Variants in IFT81 observed in about 807,000 individuals in gnomAD.
IFT81 encodes the protein intraflagellar transport 81.
IFT81 carries 72 observed loss-of-function variants against 102.6 expected under a neutral mutation model. That is an observed-to-expected ratio of 0.70 (90% CI 0.58 to 0.85). The LOEUF is 0.85. Among genes scored for constraint, IFT81 ranks in the 40% least tolerant of loss-of-function variants. The probability of loss-of-function intolerance (pLI) is 0.00; values close to 1 mark genes in which losing one functional copy is unlikely to be tolerated. For missense variants in IFT81, 723 were observed against 787.3 expected, an observed-to-expected ratio of 0.92 and a Z score of 0.98; for synonymous variants, 237 against 242.7, an observed-to-expected ratio of 0.98 and a Z score of 0.22.
At chr12:110,141,882 TAAAACAA>T (rs1363549410) in intron 8 of IFT81, among the ~76,000 whole-genome samples, 1 of 152,138 alleles carries the variant, frequency 6.6e-6, no homozygotes, top group African/African-American at 2.4e-5. Flanking sequence ...AGATTTCATC[TAAAACAA>T]AAAACAAAAA....
At chr12:110,194,912 C>T (rs1407324223) in intron 14 of IFT81, among the ~76,000 whole-genome samples, 1 of 152,108 alleles carries the variant, frequency 6.6e-6, no homozygotes, top group Non-Finnish European at 1.5e-5. Flanking sequence ...GTGACTGATA[C>T]CAAGATCAAA....
At chr12:110,196,551 G>C (rs1898009905) in intron 14 of IFT81, among the ~76,000 whole-genome samples, 1 of 151,926 alleles carries the variant, frequency 6.6e-6, no homozygotes, top group Non-Finnish European at 1.5e-5. Context: ...AATCTTCCTG[G>C]TTAAAAAACA....
intron 8 of IFT81, among the ~76,000 whole-genome samples, chr12:110,139,849 A>AAATAAATAAAAT (rs1338081140): frequency 4.0e-5 from 5 of 126,054 alleles, no homozygotes; most frequent in Admixed American, 7.7e-5. Context: ...AAATAAAATA[A>AAATAAATAAAAT]ATAAAATAAA....
At chr12:110,157,630 T>G (rs1895915234) in intron 10 of IFT81, among the ~76,000 whole-genome samples, 1 of 152,210 alleles carries the variant, frequency 6.6e-6, no homozygotes, top group Non-Finnish European at 1.5e-5. Context: ...TCTCTTTGTC[T>G]TTTCCTTCTG....
intron 10 of IFT81, among the ~76,000 whole-genome samples, chr12:110,155,083 G>A (rs1895764806): frequency 6.6e-6 from 1 of 151,978 alleles, no homozygotes; most frequent in South Asian, 2.1e-4. Context: ...ATTTATAATT[G>A]CTTATAATCT....
intron 18 of IFT81, among the ~76,000 whole-genome samples, chr12:110,210,739 A>C (rs959037513): frequency 6.6e-6 from 1 of 151,806 alleles, no homozygotes; most frequent in African/African-American, 2.4e-5. Context: ...TGAAAAAAAA[A>C]AGTTTCCTAC....
chr12:110,167,774 G>T (rs1268331208), intron 11 of IFT81: 2 of 178,094 alleles, frequency 1.1e-5, no homozygotes, highest in South Asian at 9.3e-5. Flanking sequence ...ATCATACTAG[G>T]CTTCTTATAT....
At chr12:110,183,002 A>G (rs948834646) in intron 12 of IFT81, among the ~76,000 whole-genome samples, 4 of 152,210 alleles carry the variant, frequency 2.6e-5, no homozygotes, top group Non-Finnish European at 4.4e-5. Flanking sequence ...TTCATAGGCC[A>G]TCCAGTTCCA....
intron 9 of IFT81, among the ~76,000 whole-genome samples, chr12:110,146,274 T>A (rs1458611799): frequency 6.6e-6 from 1 of 152,228 alleles, no homozygotes; most frequent in African/African-American, 2.4e-5. Flanking sequence ...TTTGGAAAGA[T>A]TTAGATTAAT....
At chr12:110,144,159 C>T (rs568565042) in intron 9 of IFT81, among the ~76,000 whole-genome samples, 1 of 150,654 alleles carries the variant, frequency 6.6e-6, no homozygotes, top group Non-Finnish European at 1.5e-5. Flanking sequence ...ATTACAGGCA[C>T]GAACCACCAT....
At chr12:110,141,409 G>A (rs937097411) in intron 8 of IFT81, among the ~76,000 whole-genome samples, 1 of 152,176 alleles carries the variant, frequency 6.6e-6, no homozygotes, top group African/African-American at 2.4e-5. Context: ...GAATAGTGAA[G>A]TAATGAATGG....
chr12:110,172,310 C>T (rs138650131), intron 11 of IFT81, among the ~76,000 whole-genome samples: 52 of 147,794 alleles, frequency 3.5e-4, no homozygotes, highest in Non-Finnish European at 7.0e-4. Context: ...CTGCCTCTGC[C>T]TCCTCTGCCT....
chr12:110,153,503 GC>G (rs1225651380), intron 10 of IFT81, among the ~76,000 whole-genome samples: 1 of 151,742 alleles, frequency 6.6e-6, no homozygotes, highest in Admixed American at 6.6e-5. Flanking sequence ...CTGCCAAAGT[GC>G]TGGGATTACA....
intron 11 of IFT81, among the ~76,000 whole-genome samples, chr12:110,177,096 T>A: frequency 6.6e-6 from 1 of 152,250 alleles, no homozygotes; most frequent in Non-Finnish European, 1.5e-5. Context: ...TACATTAGTA[T>A]GACTTAAATT....
At chr12:110,142,140 T>C (rs559149174) in intron 8 of IFT81, among the ~76,000 whole-genome samples, 7 of 152,286 alleles carry the variant, frequency 4.6e-5, no homozygotes, top group Non-Finnish European at 1.0e-4. Context: ...AACATTTATG[T>C]GTAGGTAGAT....
At chr12:110,214,852 G>A (rs1046213368) in intron 18 of IFT81, among the ~76,000 whole-genome samples, 6 of 152,102 alleles carry the variant, frequency 3.9e-5, no homozygotes, top group East Asian at 1.9e-4. Context: ...ATTTAAAATC[G>A]TGTGCAGAAG....
chr12:110,180,020 G>A (rs1034428593), intron 11 of IFT81, among the ~76,000 whole-genome samples: 7 of 151,904 alleles, frequency 4.6e-5, no homozygotes, highest in Non-Finnish European at 1.0e-4. Flanking sequence ...AGACACAGAG[G>A]ATACAACGTA....
intron 17 of IFT81, among the ~76,000 whole-genome samples, chr12:110,208,605 A>G (rs1868998084): frequency 6.6e-6 from 1 of 152,060 alleles, no homozygotes; most frequent in Non-Finnish European, 1.5e-5. Context: ...CTTTTGTATA[A>G]CTCCTTATTA....
At chr12:110,167,863 T>TC (rs2137460275) in intron 11 of IFT81, 1 of 295,976 alleles carries the variant, frequency 3.4e-6, no homozygotes, top group African/African-American at 2.3e-5. Flanking sequence ...TTTTTTTTTT[T>TC]TCCCCAGAGA....
Sources: allele counts gnomAD v4.1 joint callset (sites outside exome capture counted in the v4.1 genomes callset), GRCh38; gene constraint gnomAD v4.1.1; transcripts MANE v1.5; gene names NCBI Gene and HGNC (gene_info 2026-07-23, HGNC 2026-07-21).